AAGAB: variants seen among roughly 807,000 people sequenced by gnomAD.
The protein encoded by AAGAB is alpha and gamma adaptin binding protein, also known as alpha- and gamma-adaptin-binding protein p34.
In AAGAB, 38 loss-of-function variants were observed where a neutral mutation model predicts 44.1. The ratio of observed to expected loss-of-function variants is 0.86; its 90% CI spans 0.67 to 1.13. The LOEUF (loss-of-function observed/expected upper bound fraction) is 1.13, where lower values mean the gene tolerates loss of function less well. Among genes scored for constraint, AAGAB ranks in the 50% most tolerant of loss-of-function variants. The probability of loss-of-function intolerance (pLI) is 0.00; values close to 1 mark genes in which losing one functional copy is unlikely to be tolerated. For missense variants in AAGAB, 450 were observed against 373.8 expected, an observed-to-expected ratio of 1.20 and a Z score of -1.68; for synonymous variants, 131 against 131.8, an observed-to-expected ratio of 0.99 and a Z score of 0.04.
chr15:67,229,238 C>G (rs1964276094), intron 5 of AAGAB, among the ~76,000 whole-genome samples: 1 of 152,070 alleles, frequency 6.6e-6, no homozygotes, highest in African/African-American at 2.4e-5. Flanking sequence ...TCAAGACCAG[C>G]CTGGCCAACA....
At chr15:67,246,628 C>T (rs1964730070) in intron 1 of AAGAB, among the ~76,000 whole-genome samples, 2 of 151,986 alleles carry the variant, frequency 1.3e-5, no homozygotes, top group African/African-American at 2.4e-5. Context: ...ATTGTAAACA[C>T]ACCAATCAGC....
chr15:67,219,426 C>T (rs1426352776), intron 5 of AAGAB, among the ~76,000 whole-genome samples: 5 of 152,024 alleles, frequency 3.3e-5, no homozygotes, highest in Non-Finnish European at 7.4e-5. Context: ...TGCCTATCAA[C>T]GGTGGATTAG....
chr15:67,229,346 T>C (rs1182641021), intron 5 of AAGAB, among the ~76,000 whole-genome samples: 3 of 151,430 alleles, frequency 2.0e-5, no homozygotes, highest in East Asian at 2.0e-4. Context: ...GGCAGGAGAA[T>C]TGCTTGAACC....
intron 5 of AAGAB, among the ~76,000 whole-genome samples, chr15:67,224,991 A>G (rs925950681): frequency 3.3e-5 from 5 of 152,116 alleles, no homozygotes; most frequent in African/African-American, 1.2e-4. Context: ...TTAAACACAG[A>G]CTCTTACAAG....
chr15:67,213,925 G>A (rs1208639664), intron 5 of AAGAB, among the ~76,000 whole-genome samples: 1 of 152,146 alleles, frequency 6.6e-6, no homozygotes, highest in African/African-American at 2.4e-5. Flanking sequence ...CTCTTTTACA[G>A]AAGATTTATT....
chr15:67,231,020 T>C (rs1964321711), intron 5 of AAGAB, among the ~76,000 whole-genome samples: 1 of 152,178 alleles, frequency 6.6e-6, no homozygotes, highest in Non-Finnish European at 1.5e-5. Context: ...CTAGGTGATA[T>C]TCTCTTAGTG....
chr15:67,216,297 C>G (rs1963943863), intron 5 of AAGAB, among the ~76,000 whole-genome samples: 1 of 151,710 alleles, frequency 6.6e-6, no homozygotes, highest in South Asian at 2.1e-4. Context: ...CAAAAATTAG[C>G]TGGGCGTGGT....
chr15:67,227,708 G>A (rs1219319551), intron 5 of AAGAB, among the ~76,000 whole-genome samples: 1 of 152,112 alleles, frequency 6.6e-6, no homozygotes, highest in Non-Finnish European at 1.5e-5. Context: ...TAGGAGGTAG[G>A]TTACCCTGGA....
At chr15:67,211,475 G>A (rs953692436) in intron 5 of AAGAB, among the ~76,000 whole-genome samples, 8 of 152,184 alleles carry the variant, frequency 5.3e-5, no homozygotes, top group African/African-American at 1.7e-4. Context: ...CAGAGGCTAA[G>A]TATGTTTATT....
At chr15:67,235,514 T>C (rs1427017445) in intron 4 of AAGAB, among the ~76,000 whole-genome samples, 1 of 151,744 alleles carries the variant, frequency 6.6e-6, no homozygotes, top group African/African-American at 2.4e-5. Flanking sequence ...GGGGTGGAGG[T>C]GGGGGATTAA....
intron 5 of AAGAB, among the ~76,000 whole-genome samples, chr15:67,214,645 CT>C (rs542501628): frequency 9.8e-4 from 143 of 146,656 alleles, no homozygotes; most frequent in African/African-American, 8.7e-4. Context: ...TAAGTCCTTA[CT>C]TTTTTTTTTT....
At chr15:67,235,591 C>T (rs924267822) in intron 4 of AAGAB, among the ~76,000 whole-genome samples, 1 of 152,054 alleles carries the variant, frequency 6.6e-6, no homozygotes, top group African/African-American at 2.4e-5. Context: ...ATGTCCCCTG[C>T]GATTCTTGGG....
In AAGAB at chr15:67,236,344, G is replaced by A. The variant is rs1411227557; in HGVS notation, c.361+64C>T. ...TATGTCCTAAGTTAAAGAAACAGAT[G>A]TACTCTGTTTATCAAGGAATGGCAA... is the stretch of plus-strand genomic sequence containing the variant. On this transcript the variant is annotated intron_variant, in intron 3 of 9. Coordinates refer to ENST00000261880, the MANE Select transcript of AAGAB (RefSeq NM_024666.5). 9 of 1,398,866 alleles carry A rather than the reference G, an allele frequency of 6.4e-6. No individual in the cohort carries two copies. The East Asian group carries it at 6.8e-5, about 11-fold the overall frequency. 86.7% of individuals were successfully genotyped at this position (1,398,866 alleles called of 1,614,324 possible). A position where few individuals can be genotyped will look rare whatever the true frequency, so the allele number is the denominator to read the frequency against.
At position 67,236,745 on chromosome 15, in the gene AAGAB, T is replaced by G; in HGVS notation, c.149A>C (p.Asp50Ala). ...GATGTCTGCTGAATAGTATTTATTA[T>G]CAATGGTCCAGGGATAAAATCTCAC... ...DAVRFYPWTIDNKYYSADINL... is the reference protein window; with the variant it reads ...DAVRFYPWTIANKYYSADINL... The change falls in exon 2 of 10, where the codon GAT becomes GCT. Residue 50 changes from aspartate (D) to alanine (A), a missense_variant. Coordinates refer to ENST00000261880, the MANE Select transcript of AAGAB (RefSeq NM_024666.5). 1 of 1,613,570 alleles carries G rather than the reference T, an allele frequency of 6.2e-7. No homozygotes were observed. The highest frequency in any genetic ancestry group is 1.1e-5 in the South Asian group (1 of 91,020).
rs556294290 is a variant in AAGAB, at chr15:67,220,679, A to T, written c.535+11135T>A. 9.8e-5 allele frequency: 15 copies of T among 152,360 alleles called. No individual in the cohort carries two copies. In the Middle Eastern group the frequency reaches 0.024, roughly 242 times the overall value. 9.4% of individuals were successfully genotyped at this position (152,360 alleles called of 1,614,324 possible). A position where few individuals can be genotyped will look rare whatever the true frequency, so the allele number is the denominator to read the frequency against. ...AGTTTCATAAAACACAAGAACATGT[A>T]ATCTGGGTGAACCTAACTAGTAGAG... On this transcript the variant is annotated intron_variant, in intron 5 of 9. Transcript: ENST00000261880.
At chr15:67,221,289 G>T (rs1318164885) in intron 5 of AAGAB, 1 of 152,216 alleles carries the variant, frequency 6.6e-6, no homozygotes, top group East Asian at 1.9e-4. Flanking sequence ...TTTCACCACT[G>T]TTCTCAGCAT....
chr15:67,248,562 T>C (rs192895791), intron 1 of AAGAB, among the ~76,000 whole-genome samples: 4 of 152,360 alleles, frequency 2.6e-5, no homozygotes, highest in Admixed American at 2.0e-4. Context: ...CCCCATTCTG[T>C]TGCTAGACAA....
intron 5 of AAGAB, among the ~76,000 whole-genome samples, chr15:67,211,121 A>C (rs1027748383): frequency 1.3e-5 from 2 of 152,172 alleles, no homozygotes; most frequent in African/African-American, 4.8e-5. Context: ...ATGAAGCCTC[A>C]AATGTGGCCT....
chr15:67,254,294 C>T, intron 1 of AAGAB: 1 of 882,340 alleles, frequency 1.1e-6, no homozygotes, highest in Non-Finnish European at 1.5e-6. Flanking sequence ...CTCGCAAAAA[C>T]CTGTGGCCTG....
Sources: allele counts gnomAD v4.1 joint callset (sites outside exome capture counted in the v4.1 genomes callset), GRCh38; gene constraint gnomAD v4.1.1; transcripts MANE v1.5; gene names NCBI Gene and HGNC (gene_info 2026-07-23, HGNC 2026-07-21).